The following AUH variants were observed in gnomAD, a reference collection of about 807,000 sequenced individuals.
AUH encodes methylglutaconyl-CoA hydratase, mitochondrial.
Under a neutral mutation model 42.3 loss-of-function variants are expected in AUH, and 29 were observed. The ratio of observed to expected loss-of-function variants is 0.69; its 90% CI spans 0.51 to 0.93. AUH has a LOEUF of 0.93. Ranked by LOEUF, AUH falls within the 40% of genes least tolerant of loss-of-function variation. The pLI is 0.00. For missense variants in AUH, 452 were observed against 438.1 expected (o/e 1.03, Z -0.28); for synonymous variants, 174 against 166.4 (o/e 1.05, Z -0.35).
chr9:91,241,747 C>A (rs1266978941), intron 6 of AUH, among the ~76,000 whole-genome samples: 1 of 151,980 alleles, frequency 6.6e-6, no homozygotes, highest in Non-Finnish European at 1.5e-5. Context: ...TCTACAGATT[C>A]CACCCCTTAA....
intron 6 of AUH, among the ~76,000 whole-genome samples, chr9:91,238,384 C>T (rs1245502608): frequency 6.6e-6 from 1 of 152,178 alleles, no homozygotes; most frequent in East Asian, 1.9e-4. Context: ...TACTGGACAA[C>T]AGTATCTGTT....
intron 4 of AUH, among the ~76,000 whole-genome samples, chr9:91,302,216 C>G (rs745327745): frequency 5.3e-5 from 8 of 152,036 alleles, no homozygotes; most frequent in Non-Finnish European, 1.2e-4. Context: ...GCCTGTAATC[C>G]CAGCACTTTG....
At chr9:91,224,857 A>G (rs998252484) in intron 6 of AUH, among the ~76,000 whole-genome samples, 1 of 152,178 alleles carries the variant, frequency 6.6e-6, no homozygotes, top group Non-Finnish European at 1.5e-5. Context: ...TCAGGCATAC[A>G]AAATTCATGA....
At chr9:91,316,172 T>C (rs933660198) in intron 4 of AUH, among the ~76,000 whole-genome samples, 1 of 152,172 alleles carries the variant, frequency 6.6e-6, no homozygotes, top group African/African-American at 2.4e-5. Context: ...TGCAGAACAA[T>C]GTGGTTTCAA....
chr9:91,213,939 T>C lies in AUH; in HGVS notation c.*409A>G, dbSNP rs1318666822. ...TCGTATGCATTAATCACTTAGAAAC[T>C]TTATTTGGTATAACTTCACATTTTT... On this transcript the variant is annotated 3_prime_UTR_variant, in exon 10 of 10. Coordinates refer to ENST00000375731, the MANE Select transcript of AUH (RefSeq NM_001698.3). The C allele has an allele frequency of 1.8e-5, 3 of 169,616 alleles. No individual in the cohort carries two copies. The highest frequency in any genetic ancestry group is 7.2e-5 in the African/African-American group (3 of 41,734). The allele number at this position is 169,616 out of a possible 1,614,324, so 10.5% of individuals were successfully genotyped here. A position where few individuals can be genotyped will look rare whatever the true frequency, so the allele number is the denominator to read the frequency against.
chr9:91,361,010 T>C (rs1261689462), intron 1 of AUH, among the ~76,000 whole-genome samples: 1 of 152,130 alleles, frequency 6.6e-6, no homozygotes, highest in Non-Finnish European at 1.5e-5. Flanking sequence ...GCTAATGATG[T>C]CTCCTCCCGT....
At chr9:91,274,447 T>C (rs760299725) in intron 6 of AUH, among the ~76,000 whole-genome samples, 2 of 152,188 alleles carry the variant, frequency 1.3e-5, no homozygotes, top group Non-Finnish European at 2.9e-5. Flanking sequence ...CTTATTTCAA[T>C]ACCTAAGGAT....
chr9:91,222,623 C>G (rs940993787), intron 6 of AUH, among the ~76,000 whole-genome samples: 10 of 152,126 alleles, frequency 6.6e-5, no homozygotes, highest in African/African-American at 2.2e-4. Context: ...AAAGATAGGT[C>G]TGAGAACTTA....
chr9:91,304,663 C>A (rs1185967300), intron 4 of AUH, among the ~76,000 whole-genome samples: 2 of 152,170 alleles, frequency 1.3e-5, no homozygotes, highest in Non-Finnish European at 2.9e-5. Context: ...ATTCTCAAAT[C>A]ATTAAATAGG....
intron 4 of AUH, among the ~76,000 whole-genome samples, chr9:91,314,809 C>T (rs986437477): frequency 2.0e-5 from 3 of 152,340 alleles, no homozygotes; most frequent in East Asian, 3.9e-4. Context: ...CTGCCCCGCC[C>T]TTCTGCCGTT....
intron 6 of AUH, among the ~76,000 whole-genome samples, chr9:91,280,904 A>G (rs1825906859): frequency 6.6e-6 from 1 of 152,132 alleles, no homozygotes; most frequent in Admixed American, 6.5e-5. Context: ...TTCCTACAAC[A>G]CACTTTCTCC....
chr9:91,259,861 G>A (rs534102843), intron 6 of AUH, among the ~76,000 whole-genome samples: 34 of 152,052 alleles, frequency 2.2e-4, no homozygotes, highest in African/African-American at 6.7e-4. Context: ...AATATTCCAC[G>A]TGCATTTTGA....
At chr9:91,311,531 C>A (rs1425359467) in intron 4 of AUH, among the ~76,000 whole-genome samples, 2 of 152,170 alleles carry the variant, frequency 1.3e-5, no homozygotes, top group Admixed American at 6.5e-5. Flanking sequence ...GGTAACAATT[C>A]TTTGATGTCT....
chr9:91,293,917 A>G (rs1310235846), intron 6 of AUH, among the ~76,000 whole-genome samples: 1 of 152,214 alleles, frequency 6.6e-6, no homozygotes, highest in African/African-American at 2.4e-5. Context: ...GGTGGCTTTT[A>G]GTTAAAGCCA....
chr9:91,233,528 T>G (rs1012636537), intron 6 of AUH, among the ~76,000 whole-genome samples: 2 of 152,154 alleles, frequency 1.3e-5, no homozygotes, highest in African/African-American at 4.8e-5. Context: ...GATTTGAGCT[T>G]GTCAACCTAA....
At chr9:91,240,933 G>C (rs1336576409) in intron 6 of AUH, among the ~76,000 whole-genome samples, 1 of 152,168 alleles carries the variant, frequency 6.6e-6, no homozygotes, top group Non-Finnish European at 1.5e-5. Flanking sequence ...TTCATGGCCA[G>C]GGTAGGAGGA....
chr9:91,300,694 G>C (rs948620658), intron 4 of AUH, among the ~76,000 whole-genome samples: 14 of 152,188 alleles, frequency 9.2e-5, no homozygotes, highest in African/African-American at 3.4e-4. Flanking sequence ...GGCACAGGAA[G>C]GCACCTGGAA....
chr9:91,355,519 T>C (rs1045343705), intron 3 of AUH, among the ~76,000 whole-genome samples: 2 of 151,348 alleles, frequency 1.3e-5, no homozygotes, highest in Non-Finnish European at 2.9e-5. Context: ...ATCACGCCAC[T>C]GCAGCCTGGG....
At chr9:91,302,192 G>A (rs1340922154) in intron 4 of AUH, among the ~76,000 whole-genome samples, 1 of 142,986 alleles carries the variant, frequency 7.0e-6, no homozygotes, top group South Asian at 2.2e-4. Flanking sequence ...GGGGCCGGGT[G>A]CAGTGTGGCT....
Sources: gnomAD v4.1 joint callset for allele counts (sites outside exome capture counted in the v4.1 genomes callset) on GRCh38, gnomAD v4.1.1 for gene constraint, MANE v1.5 for transcripts, NCBI Gene and HGNC (gene_info 2026-07-23, HGNC 2026-07-21) for gene names.